The following TMEM98 variants were observed in gnomAD, a reference collection of about 807,000 sequenced individuals.
TMEM98 encodes transmembrane protein 98.
A neutral mutation model predicts 25.0 loss-of-function variants in TMEM98; 18 were observed. That is an observed-to-expected ratio of 0.72 (90% CI 0.50 to 1.07). TMEM98 has a LOEUF of 1.07. TMEM98 is among the 50% of genes least tolerant of loss of function. The pLI, the probability that TMEM98 is intolerant of heterozygous loss-of-function variation, is 0.00. For synonymous variants in TMEM98, 103 were observed against 112.4 expected, an observed-to-expected ratio of 0.92 and a Z score of 0.53; for missense variants, 241 against 289.0, an observed-to-expected ratio of 0.83 and a Z score of 1.20.
chr17:32,931,217 AACAC>A (rs2091466853), intron 1 of TMEM98, 106 bp from the exon 2 acceptor site: 2 of 266,774 alleles, frequency 7.5e-6, no homozygotes, highest in Non-Finnish European at 1.4e-5. Context: ...AAAACAAACA[AACAC>A]AAACAAACAA....
intron 3 of TMEM98, 115 bp downstream of exon 3, chr17:32,931,774 T>G: frequency 7.4e-7 from 1 of 1,354,834 alleles, no homozygotes; most frequent in Non-Finnish European, 9.9e-7. Flanking sequence ...TCTAAAATGG[T>G]ACCTGCAGGT....
In TMEM98 at chr17:32,933,221, C is replaced by T; in HGVS notation, c.179C>T (p.Ser60Phe). ...GCCATGGAGACCCAGTCTGAGCCCTCTGAGTTAGAACTGGACGATGTCGTT... is the reference window on the plus strand; with the variant it reads ...GCCATGGAGACCCAGTCTGAGCCCTTTGAGTTAGAACTGGACGATGTCGTT... ...IGAMETQSEP[S>F]ELELDDVVIT... Residue 60 changes from serine to phenylalanine, a missense_variant, in exon 4 of 8, where the codon TCT becomes TTT. Transcript: ENST00000579849. 6.2e-7 allele frequency: 1 copy of T among 1,614,160 alleles called. No homozygotes were observed. Among genetic ancestry groups the T allele is most frequent in the Non-Finnish European group, 8.5e-7 (1 of 1,180,016 alleles).
At chr17:32,929,290 A>G (rs2091453003) in intron 1 of TMEM98, among the ~76,000 whole-genome samples, 2 of 151,998 alleles carry the variant, frequency 1.3e-5, no homozygotes, top group Admixed American at 6.6e-5. Context: ...ACACGGAGAA[A>G]CACACTTAGA....
rs751454956 is a variant in TMEM98 at position 32,942,967 on chromosome 17, G to A, written c.*1974G>A. On this transcript the variant is annotated 3_prime_UTR_variant, in exon 8 of 8. Transcript: ENST00000579849. ...ATTTTAACCTGCACTAGAGCCCTAA[G>A]CCACAGAGAAGCAGTTCTGAATTGG... 5 of 152,210 alleles carry A rather than the reference G, an allele frequency of 3.3e-5. No individual in the cohort carries two copies. The highest frequency in any genetic ancestry group is 5.9e-5 in the Non-Finnish European group (4 of 68,048). 9.4% of individuals were successfully genotyped at this position (152,210 alleles called of 1,614,324 possible).
In TMEM98 at chr17:32,931,609, C is replaced by T; in HGVS notation, c.81C>T (p.Cys27=). The T allele has an allele frequency of 6.2e-7, 1 of 1,604,280 alleles. No homozygotes were observed. The highest frequency in any genetic ancestry group is 8.5e-7 in the Non-Finnish European group (1 of 1,175,854). Residue 27 remains cysteine (C), a synonymous_variant, in exon 3 of 8, where the codon TGC becomes TGT. Coordinates refer to ENST00000579849, the MANE Select transcript of TMEM98 (RefSeq NM_015544.3). Reference sequence around the variant, plus strand: ...CGTTTGCAGCCTTGGTGCTGGTTTGCAGGCAGCGCTACTGCCGGCCGCGAG... The same window carrying T: ...CGTTTGCAGCCTTGGTGCTGGTTTGTAGGCAGCGCTACTGCCGGCCGCGAG... The part of the protein sequence containing the change: ...LASFAALVLV[C]RQRYCRPRDL...
At position 32,940,956 on chromosome 17, in the gene TMEM98, G is replaced by A; in HGVS notation, c.644G>A (p.Gly215Asp). 3 of 1,613,208 alleles carry A rather than the reference G, an allele frequency of 1.9e-6. No individual in the cohort carries two copies. Among genetic ancestry groups the A allele is most frequent in the Non-Finnish European group, 2.5e-6 (3 of 1,179,810 alleles). ...TCTGAGCCAGATAAAGGCCTCCCAG[G>A]CCCTGAAGGCTTCCTGCAGGAGCAG... is the stretch of plus-strand genomic sequence containing the variant. Reference protein sequence around the residue: ...LASEPDKGLPGPEGFLQEQSA... With the variant: ...LASEPDKGLPDPEGFLQEQSA... Residue 215 changes from glycine to aspartate, a missense_variant, in exon 8 of 8, where the codon GGC (glycine) becomes GAC (aspartate). Gly to Asp is a moderately conservative substitution (Grantham distance 94). Coordinates refer to ENST00000579849, the MANE Select transcript of TMEM98 (RefSeq NM_015544.3).
At chr17:32,933,079 C>T (rs1206218832) in intron 3 of TMEM98, 95 bp from the exon 4 acceptor site, 50 of 1,527,128 alleles carry the variant, frequency 3.3e-5, no homozygotes, top group Non-Finnish European at 4.2e-5. Flanking sequence ...TACTGACTCC[C>T]TTACTTCTTT....
intron 7 of TMEM98, 105 bp downstream of exon 7, chr17:32,939,641 T>C: frequency 7.0e-7 from 1 of 1,431,550 alleles, no homozygotes; most frequent in Non-Finnish European, 9.8e-7. Flanking sequence ...GAGGGTGGCT[T>C]TGCAGCCTCC....
In TMEM98 at chr17:32,941,136, C is replaced by A; in HGVS notation, c.*143C>A. The A allele has an allele frequency of 1.4e-6, 1 of 733,956 alleles. No individual in the cohort carries two copies. Among genetic ancestry groups the A allele is most frequent in the Non-Finnish European group, 2.2e-6 (1 of 462,852 alleles). 45.5% of individuals were successfully genotyped at this position (733,956 alleles called of 1,614,324 possible). On this transcript the variant is annotated 3_prime_UTR_variant, in exon 8 of 8. Transcript: ENST00000579849. ...GTGTGTGCATAGTAAAGCAGGAGAT[C>A]CCCGTCAGTTTATGCCTCTTTTGCA...
chr17:32,932,094 ATTTT>A (rs774760952), intron 3 of TMEM98, among the ~76,000 whole-genome samples: 1 of 118,984 alleles, frequency 8.4e-6, no homozygotes, highest in African/African-American at 3.5e-5. Flanking sequence ...TGCACAGCAG[ATTTT>A]TTTTTTTTTT....
intron 3 of TMEM98, among the ~76,000 whole-genome samples, chr17:32,932,493 C>T (rs1567696845): frequency 6.6e-6 from 1 of 152,160 alleles, no homozygotes; most frequent in Non-Finnish European, 1.5e-5. Flanking sequence ...AATTGATAGA[C>T]CGTTCAGGGA....
At chr17:32,936,620 C>T (rs946961118) in intron 6 of TMEM98, among the ~76,000 whole-genome samples, 173 bp downstream of exon 6, 2 of 152,234 alleles carry the variant, frequency 1.3e-5, no homozygotes, top group Admixed American at 6.5e-5. Flanking sequence ...CGAGACTTCT[C>T]AGCTAAGGTG....
chr17:32,935,659 G>C (rs2091492380), intron 5 of TMEM98, among the ~76,000 whole-genome samples: 3 of 152,172 alleles, frequency 2.0e-5, no homozygotes, highest in Admixed American at 1.3e-4. Flanking sequence ...GTATAGGTCA[G>C]GTAGGGGTGC....
chr17:32,936,323 C>T lies in TMEM98; in HGVS notation c.298-9C>T. The T allele has an allele frequency of 6.2e-7, 1 of 1,611,674 alleles. No individual in the cohort carries two copies. Among genetic ancestry groups the T allele is most frequent in the Admixed American group, 1.7e-5 (1 of 59,956 alleles). The stretch of plus-strand genomic sequence containing the variant: ...TCAGCCCTCATCTCTCTCCTCCCTG[C>T]CGCATTAGATTTGTCACACTCTGAC... On this transcript the variant is annotated splice_polypyrimidine_tract_variant and intron_variant, in intron 5 of 7. Coordinates refer to ENST00000579849, the MANE Select transcript of TMEM98 (RefSeq NM_015544.3).
intron 4 of TMEM98, 64 bp from the exon 5 acceptor site, chr17:32,934,227 G>A (rs574264851): frequency 5.7e-6 from 9 of 1,591,272 alleles, no homozygotes; most frequent in Admixed American, 5.0e-5. Context: ...AGAAGCAAGG[G>A]TGGGAGCTGG....
chr17:32,932,841 T>C (rs1450511763), intron 3 of TMEM98, among the ~76,000 whole-genome samples: 2 of 152,244 alleles, frequency 1.3e-5, no homozygotes, highest in Non-Finnish European at 2.9e-5. Flanking sequence ...AAATACATTA[T>C]AGAAGGATAT....
At position 32,932,246 on chromosome 17, in the gene TMEM98, A is replaced by G. The variant is rs187879062; in HGVS notation, c.131+587A>G. Among the ~76,000 whole-genome samples the G allele has an allele frequency of 1.1e-3, 169 of 152,090 alleles. 2 individuals carry two copies. The highest frequency in any genetic ancestry group is 4.0e-3 in the African/African-American group (164 of 41,480). On this transcript the variant is annotated intron_variant, in intron 3 of 7. Coordinates refer to ENST00000579849, the MANE Select transcript of TMEM98 (RefSeq NM_015544.3). ...CTCCCACGTAGCTGGGATTACAGGC[A>G]TGCACCACCACGCCCAGCTAATTTT... is the stretch of plus-strand genomic sequence containing the variant.
chr17:32,935,388 G>C (rs559349153), intron 5 of TMEM98, among the ~76,000 whole-genome samples: 1 of 152,166 alleles, frequency 6.6e-6, no homozygotes, highest in African/African-American at 2.4e-5. Flanking sequence ...TTTGTCTCCT[G>C]TCCTCATCTA....
intron 1 of TMEM98, among the ~76,000 whole-genome samples, chr17:32,929,952 G>C (rs1050182067): frequency 6.6e-6 from 1 of 152,142 alleles, no homozygotes; most frequent in South Asian, 2.1e-4. Context: ...AACTCCTTAA[G>C]ATCAGGGTCT....
Sources: gnomAD v4.1 joint callset for allele counts (sites outside exome capture counted in the v4.1 genomes callset) on GRCh38, gnomAD v4.1.1 for gene constraint, MANE v1.5 for transcripts, NCBI Gene and HGNC (gene_info 2026-07-23, HGNC 2026-07-21) for gene names.